SP100: variants seen among roughly 807,000 people sequenced by gnomAD.
The protein encoded by SP100 is SP100 nuclear body protein, also known as nuclear autoantigen Sp-100.
SP100 carries 84 observed loss-of-function variants against 130.0 expected under a neutral mutation model. The ratio of observed to expected loss-of-function variants is 0.65; its 90% CI spans 0.54 to 0.77. The LOEUF (loss-of-function observed/expected upper bound fraction) is 0.77, where lower values mean the gene tolerates loss of function less well. Ranked by LOEUF, SP100 falls within the 30% of genes least tolerant of loss-of-function variation. The pLI, the probability that SP100 is intolerant of heterozygous loss-of-function variation, is 0.00. For synonymous variants in SP100, 331 were observed against 351.7 expected, an observed-to-expected ratio of 0.94 and a Z score of 0.66; for missense variants, 978 against 1,052.2, an observed-to-expected ratio of 0.93 and a Z score of 0.97.
chr2:230,416,917 A>G, intron 1 of SP100: 2 of 984,780 alleles, frequency 2.0e-6, no homozygotes, highest in Non-Finnish European at 2.4e-6. Context: ...TTTTACCTCA[A>G]TTTCCTGTCC....
intron 24 of SP100, among the ~76,000 whole-genome samples, chr2:230,528,975 C>T (rs532943408): frequency 2.0e-5 from 3 of 152,180 alleles, no homozygotes; most frequent in Admixed American, 6.5e-5. Flanking sequence ...CAGACAGATT[C>T]ACAGCCCAAT....
intron 24 of SP100, among the ~76,000 whole-genome samples, chr2:230,527,814 A>G (rs1379765191): frequency 1.3e-5 from 2 of 152,200 alleles, no homozygotes; most frequent in African/African-American, 4.8e-5. Context: ...AACCAAAACA[A>G]AGATCAAAAG....
intron 17 of SP100, among the ~76,000 whole-genome samples, chr2:230,483,393 G>A (rs1001566523): frequency 4.6e-5 from 7 of 152,200 alleles, no homozygotes; most frequent in Non-Finnish European, 1.0e-4. Context: ...TGGTCCTTTA[G>A]GCAACGGCAA....
At chr2:230,524,177 T>TAAAAAA (rs1575803358) in intron 24 of SP100, among the ~76,000 whole-genome samples, 1 of 15,850 alleles carries the variant, frequency 6.3e-5, no homozygotes, top group African/African-American at 2.7e-4. Flanking sequence ...ATACTAAAAA[T>TAAAAAA]ACAAAAAAAA....
At chr2:230,469,167 T>A in intron 14 of SP100, 71 bp downstream of exon 14, 2 of 946,290 alleles carry the variant, frequency 2.1e-6, no homozygotes, top group Non-Finnish European at 3.3e-6. Flanking sequence ...TCACTTTTTA[T>A]GTTATATCCT....
rs775063639 is a variant in SP100 at position 230,464,071 on chromosome 2, C to A, written c.1062C>A (p.Ile354=). 1.2e-6 allele frequency: 2 copies of A among 1,608,266 alleles called. No homozygotes were observed. Among genetic ancestry groups the A allele is most frequent in the African/African-American group, 2.7e-5 (2 of 74,738 alleles). Residue 354 remains isoleucine, a synonymous_variant, in exon 11 of 29, where the codon ATC becomes ATA. Transcript: ENST00000340126. ...FISAPRSEPV[I]NNDNPLESND... ...GAATCCCATTCTTTTGTGCAGTGAT[C>A]AATAATGACAACCCTTTAGAATCAA...
At position 230,446,777 on chromosome 2, in the gene SP100, C is replaced by T. The variant is rs774367817; in HGVS notation, c.440-42C>T. 1.7e-5 allele frequency: 21 copies of T among 1,230,468 alleles called. 1 individual carries two copies. The highest frequency in any genetic ancestry group is 1.5e-5 in the African/African-American group (1 of 66,620). The allele number at this position is 1,230,468 out of a possible 1,614,324, so 76.2% of individuals were successfully genotyped here. ...TGATTTCCAGACATTGTCCCTGGTCCCTGTAGATCTCTAATTGCTTCTTCT... is the reference window on the plus strand; with the variant it reads ...TGATTTCCAGACATTGTCCCTGGTCTCTGTAGATCTCTAATTGCTTCTTCT... On this transcript the variant is annotated intron_variant, in intron 4 of 28. Transcript: ENST00000340126.
chr2:230,426,027 T>C (rs2062920657), intron 2 of SP100, among the ~76,000 whole-genome samples: 1 of 152,178 alleles, frequency 6.6e-6, no homozygotes, highest in South Asian at 2.1e-4. Flanking sequence ...GCTATACAAT[T>C]TGTTGATGTA....
intron 2 of SP100, among the ~76,000 whole-genome samples, chr2:230,440,196 T>G (rs982547212): frequency 6.6e-6 from 1 of 152,098 alleles, no homozygotes; most frequent in Admixed American, 6.5e-5. Context: ...TAGAAATAAT[T>G]GTTTGGAAAG....
Position 230,469,046 on chromosome 2 carries a change from C to T in SP100, c.1295C>T (p.Pro432Leu). 1.3e-6 allele frequency: 2 copies of T among 1,587,494 alleles called. No individual in the cohort carries two copies. The highest frequency in any genetic ancestry group is 1.7e-6 in the Non-Finnish European group (2 of 1,160,344). The change falls in exon 14 of 29, where the codon CCT (proline) becomes CTT (leucine). Residue 432 changes from proline (P) to leucine (L), a missense_variant. Pro to Leu is a moderately conservative substitution (Grantham distance 98). Transcript: ENST00000340126. ...TTGGTTTTCCTTTACTTTCTAGCTC[C>T]TATGACTTCTAGAAGTACATCTACT... ...ALRSKHGEKA[P>L]MTSRSTSTWR...
chr2:230,483,523 G>C (rs950876188), intron 17 of SP100, among the ~76,000 whole-genome samples: 3 of 152,364 alleles, frequency 2.0e-5, no homozygotes, highest in Middle Eastern at 3.4e-3. Flanking sequence ...AGACATCAGA[G>C]AGTTTTGAGC....
intron 24 of SP100, among the ~76,000 whole-genome samples, chr2:230,514,023 T>G (rs1167730953): frequency 1.3e-5 from 2 of 150,524 alleles, no homozygotes; most frequent in African/African-American, 4.9e-5. Context: ...TGCTGTTGCT[T>G]GTTGAATACA....
intron 14 of SP100, 196 bp from the exon 15 acceptor site, chr2:230,469,819 C>G (rs1381596179): frequency 6.7e-7 from 1 of 1,492,132 alleles, no homozygotes; most frequent in Non-Finnish European, 9.0e-7. Context: ...CATCCCCAGC[C>G]CCAGCCTCAG....
rs183508323 is a variant in SP100 at position 230,417,254 on chromosome 2, T to G, written c.33-337T>G. Among the ~76,000 whole-genome samples, 72 of 152,342 alleles carry G rather than the reference T, an allele frequency of 4.7e-4. 1 individual carries two copies. Among genetic ancestry groups the G allele is most frequent in the African/African-American group, 1.7e-3 (70 of 41,576 alleles). On this transcript the variant is annotated intron_variant, in intron 1 of 28. Coordinates refer to ENST00000340126, the MANE Select transcript of SP100 (RefSeq NM_001080391.2). ...GTTCTTGATTTATAATAAATTATAT[T>G]ACATGTGCTAGTCTGCATTTTGCAT...
At chr2:230,423,976 T>C (rs977540987) in intron 2 of SP100, among the ~76,000 whole-genome samples, 2 of 152,200 alleles carry the variant, frequency 1.3e-5, no homozygotes, top group Non-Finnish European at 2.9e-5. Flanking sequence ...AAAGGCAATA[T>C]AGTGCAATGA....
At position 230,511,110 on chromosome 2, in the gene SP100, T is replaced by C; in HGVS notation, c.2053-15T>C. The C allele has an allele frequency of 1.3e-6, 2 of 1,578,516 alleles. No homozygotes were observed. Among genetic ancestry groups the C allele is most frequent in the Non-Finnish European group, 1.7e-6 (2 of 1,147,812 alleles). On this transcript the variant is annotated splice_polypyrimidine_tract_variant and intron_variant, in intron 23 of 28. Transcript: ENST00000340126. ...ACACTCAATATTGTACCAATCTTTCTGTTTTTTTCAACAGAGAATACTGGA... is the reference window on the plus strand; with the variant it reads ...ACACTCAATATTGTACCAATCTTTCCGTTTTTTTCAACAGAGAATACTGGA...
At chr2:230,489,357 C>G (rs2066276348) in intron 17 of SP100, among the ~76,000 whole-genome samples, 1 of 151,708 alleles carries the variant, frequency 6.6e-6, no homozygotes, top group Non-Finnish European at 1.5e-5. Context: ...TCTGTGGGGT[C>G]GGTGGTGATA....
intron 24 of SP100, among the ~76,000 whole-genome samples, chr2:230,518,286 GAAC>G (rs1002720936): frequency 2.0e-5 from 3 of 151,808 alleles, no homozygotes; most frequent in African/African-American, 7.3e-5. Flanking sequence ...TCTCAGTAAA[GAAC>G]ATATTTTTAT....
At position 230,461,360 on chromosome 2, in the gene SP100, G is replaced by T; in HGVS notation, c.919G>T (p.Val307Phe). The change falls in exon 9 of 29, where the codon GTT becomes TTT. Residue 307 changes from valine (V) to phenylalanine (F), a missense_variant. Physicochemically the swap from Val to Phe is conservative, Grantham distance 50. Transcript: ENST00000340126. ...KKEKPFSNSK[V>F]ECQAQARTHH... ...GGAAAAGCCATTTTCTAATTCAAAAGTTGAGTGCCAAGCCCAAGCAAGAAC... is the reference window on the plus strand; with the variant it reads ...GGAAAAGCCATTTTCTAATTCAAAATTTGAGTGCCAAGCCCAAGCAAGAAC... The T allele has an allele frequency of 6.2e-7, 1 of 1,614,172 alleles. No individual in the cohort carries two copies. Among genetic ancestry groups the T allele is most frequent in the Non-Finnish European group, 8.5e-7 (1 of 1,180,008 alleles).
Sources: allele counts gnomAD v4.1 joint callset (sites outside exome capture counted in the v4.1 genomes callset), GRCh38; gene constraint gnomAD v4.1.1; transcripts MANE v1.5; gene names NCBI Gene and HGNC (gene_info 2026-07-23, HGNC 2026-07-21).